PTPRD: variants seen among roughly 807,000 people sequenced by gnomAD.
The protein encoded by PTPRD is receptor-type tyrosine-protein phosphatase delta.
In PTPRD, 34 loss-of-function variants were observed where a neutral mutation model predicts 214.5. That is an observed-to-expected ratio of 0.16 (90% CI 0.12 to 0.21). The LOEUF (loss-of-function observed/expected upper bound fraction) is 0.21, where lower values mean the gene tolerates loss of function less well. Ranked by LOEUF, PTPRD falls within the 10% of genes least tolerant of loss-of-function variation. The pLI, the probability that PTPRD is intolerant of heterozygous loss-of-function variation, is 1.00. For missense variants in PTPRD, 2,545 were observed against 2,398.7 expected (o/e 1.06, Z -1.27); for synonymous variants, 1,128 against 845.7 (o/e 1.33, Z -5.79).
intron 11 of PTPRD, among the ~76,000 whole-genome samples, chr9:8,738,807 A>G (rs2091159042): frequency 6.6e-6 from 1 of 152,118 alleles, no homozygotes; most frequent in Non-Finnish European, 1.5e-5. Flanking sequence ...GTCACTTAAA[A>G]CTAGGTATCA....
At chr9:8,960,363 A>G (rs936639392) in intron 11 of PTPRD, among the ~76,000 whole-genome samples, 1 of 152,082 alleles carries the variant, frequency 6.6e-6, no homozygotes, top group Non-Finnish European at 1.5e-5. Context: ...CTGGGCTGCC[A>G]TACTTAGGAA....
At chr9:8,940,598 C>T (rs576855171) in intron 11 of PTPRD, among the ~76,000 whole-genome samples, 3 of 151,728 alleles carry the variant, frequency 2.0e-5, no homozygotes, top group African/African-American at 4.8e-5. Flanking sequence ...CCAGCCTGCA[C>T]ATCTCTTAAA....
At chr9:9,985,287 C>T (rs2095669912) in intron 4 of PTPRD, among the ~76,000 whole-genome samples, 1 of 152,162 alleles carries the variant, frequency 6.6e-6, no homozygotes, top group African/African-American at 2.4e-5. Context: ...TTCTTATATT[C>T]TATAATCACT....
At chr9:8,341,457 A>G (rs1028381622) in intron 40 of PTPRD, among the ~76,000 whole-genome samples, 189 bp from the exon 41 acceptor site, 1 of 152,218 alleles carries the variant, frequency 6.6e-6, no homozygotes, top group African/African-American at 2.4e-5. Flanking sequence ...GGATTTCTAT[A>G]TATTTTCTGA....
chr9:10,344,758 A>G (rs551225975), intron 2 of PTPRD, among the ~76,000 whole-genome samples: 35 of 152,184 alleles, frequency 2.3e-4, no homozygotes, highest in African/African-American at 7.7e-4. Flanking sequence ...GGTAAGTTGG[A>G]TACCTAGGTA....
At chr9:9,178,381 T>C (rs1320178697) in intron 10 of PTPRD, among the ~76,000 whole-genome samples, 3 of 152,078 alleles carry the variant, frequency 2.0e-5, no homozygotes, top group Non-Finnish European at 4.4e-5. Context: ...CTTTCCTTTT[T>C]TCTTTCCTTC....
chr9:9,705,056 T>C (rs1267406305), intron 7 of PTPRD, among the ~76,000 whole-genome samples: 2 of 152,324 alleles, frequency 1.3e-5, no homozygotes, highest in East Asian at 1.9e-4. Context: ...TTTTCTTTTC[T>C]TTTGTTTAAT....
intron 14 of PTPRD, among the ~76,000 whole-genome samples, chr9:8,553,336 T>G (rs1356677525): frequency 6.6e-6 from 1 of 152,192 alleles, no homozygotes; most frequent in African/African-American, 2.4e-5. Context: ...GGAGTTGCTC[T>G]GACCTCAAGC....
chr9:10,011,501 C>T (rs2096599142), intron 4 of PTPRD, among the ~76,000 whole-genome samples: 1 of 152,034 alleles, frequency 6.6e-6, no homozygotes, highest in East Asian at 1.9e-4. Context: ...TTTTCATTGA[C>T]TCCTCTACTT....
chr9:9,123,779 T>C (rs1235511706), intron 10 of PTPRD, among the ~76,000 whole-genome samples: 1 of 152,150 alleles, frequency 6.6e-6, no homozygotes, highest in Non-Finnish European at 1.5e-5. Context: ...AAAGGTAGAT[T>C]CCAAAGTCAT....
intron 12 of PTPRD, among the ~76,000 whole-genome samples, chr9:8,694,426 T>A (rs1337146917): frequency 6.6e-6 from 1 of 152,162 alleles, no homozygotes; most frequent in Non-Finnish European, 1.5e-5. Context: ...AATAAAAGTC[T>A]GATGGAAAAC....
At chr9:9,113,475 G>A (rs975895434) in intron 10 of PTPRD, among the ~76,000 whole-genome samples, 1 of 152,022 alleles carries the variant, frequency 6.6e-6, no homozygotes, top group African/African-American at 2.4e-5. Flanking sequence ...GAAAACTAGG[G>A]GAAGCTAAAA....
At chr9:8,933,289 T>C (rs984851984) in intron 11 of PTPRD, among the ~76,000 whole-genome samples, 16 of 149,594 alleles carry the variant, frequency 1.1e-4, no homozygotes, top group Admixed American at 6.7e-5. Flanking sequence ...CGCTGGGAGT[T>C]GCAGACCAGA....
At chr9:10,205,137 T>G (rs982282411) in intron 3 of PTPRD, among the ~76,000 whole-genome samples, 2 of 152,126 alleles carry the variant, frequency 1.3e-5, no homozygotes, top group Non-Finnish European at 2.9e-5. Flanking sequence ...CTCAGGAGAA[T>G]TAACTACAAG....
intron 10 of PTPRD, among the ~76,000 whole-genome samples, chr9:9,114,543 T>C (rs2099810383): frequency 6.6e-6 from 1 of 152,120 alleles, no homozygotes; most frequent in Non-Finnish European, 1.5e-5. Context: ...TCAACATGAA[T>C]ATTGACATTC....
chr9:9,034,838 T>C (rs1045776089), intron 10 of PTPRD, among the ~76,000 whole-genome samples: 3 of 152,190 alleles, frequency 2.0e-5, no homozygotes, highest in African/African-American at 7.2e-5. Context: ...CACCACTCAA[T>C]GAATGCTACT....
intron 33 of PTPRD, among the ~76,000 whole-genome samples, chr9:8,459,756 A>T (rs1270770258): frequency 6.6e-6 from 1 of 152,122 alleles, no homozygotes; most frequent in East Asian, 1.9e-4. Context: ...TGGGCATAAT[A>T]AGACTGAGAT....
chr9:8,470,256 T>C (rs1565068412), intron 31 of PTPRD, among the ~76,000 whole-genome samples: 2 of 152,110 alleles, frequency 1.3e-5, no homozygotes, highest in South Asian at 4.1e-4. Flanking sequence ...CACTTCTGGA[T>C]CATATTTTCT....
intron 35 of PTPRD, among the ~76,000 whole-genome samples, chr9:8,418,921 C>G (rs551073823): frequency 6.6e-6 from 1 of 151,956 alleles, no homozygotes; most frequent in African/African-American, 2.4e-5. Flanking sequence ...TATACCCATG[C>G]TAGGAGATTT....
Sources: gnomAD v4.1 joint callset for allele counts (sites outside exome capture counted in the v4.1 genomes callset) on GRCh38, gnomAD v4.1.1 for gene constraint, MANE v1.5 for transcripts, NCBI Gene and HGNC (gene_info 2026-07-23, HGNC 2026-07-21) for gene names.